The following FUNDC1 variants were observed in gnomAD, a reference collection of about 807,000 sequenced individuals.
The protein encoded by FUNDC1 is FUN14 domain-containing protein 1.
Under a neutral mutation model 14.5 loss-of-function variants are expected in FUNDC1, and 10 were observed. The observed-to-expected ratio is 0.69, with a 90% CI of 0.43 to 1.17. The LOEUF is 1.17. FUNDC1 is among the 50% of genes most tolerant of loss of function. The pLI, the probability that FUNDC1 is intolerant of heterozygous loss-of-function variation, is 0.00. For synonymous variants in FUNDC1, 33 were observed against 39.7 expected, an observed-to-expected ratio of 0.83 and a Z score of 0.64; for missense variants, 115 against 113.8, an observed-to-expected ratio of 1.01 and a Z score of -0.05.
At chrX:44,528,054 T>A (rs889756801) in intron 3 of FUNDC1, among the ~76,000 whole-genome samples, 1 of 111,800 alleles carries the variant, frequency 8.9e-6, no homozygotes, top group East Asian at 2.8e-4. Flanking sequence ...GACTGCAATA[T>A]CTGAACAGGA....
chrX:44,528,916 C>T (rs1384681281), intron 3 of FUNDC1, among the ~76,000 whole-genome samples: 3 of 110,792 alleles, frequency 2.7e-5, no homozygotes, highest in Admixed American at 9.6e-5. Context: ...AGGATAGTCT[C>T]GATCTCCTGA....
At chrX:44,532,047 G>T (rs2038927965) in intron 3 of FUNDC1, among the ~76,000 whole-genome samples, 1 of 110,907 alleles carries the variant, frequency 9.0e-6, no homozygotes, top group African/African-American at 3.3e-5. Flanking sequence ...CAGAAAGGTG[G>T]AGCATAATTA....
chrX:44,542,173 T>C, intron 1 of FUNDC1, 72 bp from the exon 2 acceptor site: 1 of 822,974 alleles, frequency 1.2e-6, no homozygotes, highest in Non-Finnish European at 1.7e-6. Context: ...TACATCTTTT[T>C]AAAAATCTGT....
chrX:44,535,155 A>C (rs767643414), intron 3 of FUNDC1, among the ~76,000 whole-genome samples: 1 of 110,525 alleles, frequency 9.0e-6, no homozygotes, highest in African/African-American at 3.3e-5. Context: ...AAAACAAACA[A>C]ACAAACAAAA....
At chrX:44,533,667 C>CA (rs1477823092) in intron 3 of FUNDC1, among the ~76,000 whole-genome samples, 62 of 90,285 alleles carry the variant, frequency 6.9e-4, no homozygotes, top group Non-Finnish European at 1.0e-3. Flanking sequence ...ACAACAACAA[C>CA]AAAAAAATAG....
intron 3 of FUNDC1, among the ~76,000 whole-genome samples, chrX:44,533,342 A>T (rs776012327): frequency 9.0e-6 from 1 of 110,853 alleles, no homozygotes; most frequent in African/African-American, 3.3e-5. Context: ...AAAAAACAGT[A>T]TCCAAGGCCA....
chrX:44,534,919 G>C, intron 3 of FUNDC1, among the ~76,000 whole-genome samples: 1 of 111,831 alleles, frequency 8.9e-6, no homozygotes, highest in Non-Finnish European at 1.9e-5. Context: ...GGCCAAGGCG[G>C]GTGGAATGCT....
At chrX:44,533,110 T>A (rs964001886) in intron 3 of FUNDC1, among the ~76,000 whole-genome samples, 6 of 111,895 alleles carry the variant, frequency 5.4e-5, no homozygotes, top group African/African-American at 1.9e-4. Flanking sequence ...GAAGCTTCTA[T>A]CTTCGAATTA....
At chrX:44,542,688 T>TAA in intron 1 of FUNDC1, 117 bp downstream of exon 1, 17 of 649,114 alleles carry the variant, frequency 2.6e-5, no homozygotes, top group Non-Finnish European at 3.4e-5. Flanking sequence ...GGGGCTGCCT[T>TAA]AAAAAAAAAA....
chrX:44,523,825 G>T lies in FUNDC1; in HGVS notation c.*373C>A, dbSNP rs1298014935. 1 of 122,547 alleles carries T rather than the reference G, an allele frequency of 8.2e-6. No homozygotes were observed. Among genetic ancestry groups the T allele is most frequent in the Admixed American group, 9.3e-5 (1 of 10,734 alleles). The allele number at this position is 122,547 out of a possible 1,213,427, so 10.1% of individuals were successfully genotyped here. On this transcript the variant is annotated 3_prime_UTR_variant, in exon 5 of 5. Coordinates refer to ENST00000378045, the MANE Select transcript of FUNDC1 (RefSeq NM_173794.4). ...GACACATACCATAAAACACAATGAA[G>T]AACATTTTATTTAAATAAAAAGAGA...
chrX:44,532,290 G>A (rs2038928924), intron 3 of FUNDC1, among the ~76,000 whole-genome samples: 1 of 107,531 alleles, frequency 9.3e-6, no homozygotes, highest in Admixed American at 1.0e-4. Context: ...CTACTCGGGA[G>A]GCTAAGGCAC....
intron 3 of FUNDC1, among the ~76,000 whole-genome samples, chrX:44,538,198 G>T (rs909378921): frequency 1.8e-5 from 2 of 112,097 alleles, no homozygotes; most frequent in African/African-American, 6.5e-5. Context: ...TGGCCAGGCT[G>T]GTCTTGAACA....
At chrX:44,525,945 C>T (rs1440205888) in intron 4 of FUNDC1, among the ~76,000 whole-genome samples, 1 of 107,898 alleles carries the variant, frequency 9.3e-6, no homozygotes, top group Non-Finnish European at 1.9e-5. Flanking sequence ...GCCTGTGATC[C>T]TGGCACTTTG....
intron 3 of FUNDC1, among the ~76,000 whole-genome samples, chrX:44,535,492 C>T (rs1466374496): frequency 2.9e-5 from 3 of 104,904 alleles, no homozygotes; most frequent in Non-Finnish European, 5.8e-5. Context: ...AGAGCAAAAC[C>T]CTGTCTCTAC....
chrX:44,527,370 A>G lies in FUNDC1; in HGVS notation c.262-5T>C. 1 of 1,158,109 alleles carries G rather than the reference A, an allele frequency of 8.6e-7. No homozygotes were observed. ...ATAGCCACTATGACTAGCAATCTGC[A>G]AAAAATATAATAAAAATTATCAATA... is the stretch of plus-strand genomic sequence containing the variant. On this transcript the variant is annotated splice_region_variant and splice_polypyrimidine_tract_variant and intron_variant, in intron 3 of 4. Coordinates refer to ENST00000378045, the MANE Select transcript of FUNDC1 (RefSeq NM_173794.4).
At chrX:44,533,356 G>A (rs1474943314) in intron 3 of FUNDC1, among the ~76,000 whole-genome samples, 5 of 110,694 alleles carry the variant, frequency 4.5e-5, no homozygotes, top group Admixed American at 2.9e-4. Context: ...AAGGCCAGGC[G>A]CAGTGGCTCA....
chrX:44,528,670 C>T (rs2038911039), intron 3 of FUNDC1, among the ~76,000 whole-genome samples: 1 of 112,734 alleles, frequency 8.9e-6, no homozygotes, highest in South Asian at 3.6e-4. Context: ...ATGTATATGG[C>T]TTTATTTTTT....
intron 3 of FUNDC1, among the ~76,000 whole-genome samples, chrX:44,529,800 C>T (rs189353557): frequency 9.1e-6 from 1 of 110,470 alleles, no homozygotes; most frequent in African/African-American, 3.3e-5. Flanking sequence ...AATCTGTTCC[C>T]TTGCAGGAAA....
chrX:44,537,786 T>C (rs778865674), intron 3 of FUNDC1, among the ~76,000 whole-genome samples: 2 of 112,187 alleles, frequency 1.8e-5, no homozygotes, highest in African/African-American at 6.5e-5. Context: ...TTTTCAATTT[T>C]TGGATTTACT....
Sources: allele counts gnomAD v4.1 joint callset (sites outside exome capture counted in the v4.1 genomes callset), GRCh38; gene constraint gnomAD v4.1.1; transcripts MANE v1.5; gene names NCBI Gene and HGNC (gene_info 2026-07-23, HGNC 2026-07-21).